RIMBP2: variants seen among roughly 807,000 people sequenced by gnomAD.
RIMBP2 encodes the protein RIMS binding protein 2, also known as RIMS-binding protein 2.
In RIMBP2, 48 loss-of-function variants were observed where a neutral mutation model predicts 118.6. That is an observed-to-expected ratio of 0.40 (90% CI 0.32 to 0.51). The LOEUF is 0.51. RIMBP2 is among the 20% of genes least tolerant of loss of function. The pLI, the probability that RIMBP2 is intolerant of heterozygous loss-of-function variation, is 0.41. For synonymous variants in RIMBP2, 762 were observed against 742.9 expected (o/e 1.03, Z -0.42); for missense variants, 1,551 against 1,768.3 (o/e 0.88, Z 2.20).
At chr12:130,604,582 C>CTGTTT (rs1555305685) in intron 2 of RIMBP2, among the ~76,000 whole-genome samples, 1 of 67,268 alleles carries the variant, frequency 1.5e-5, no homozygotes, top group African/African-American at 6.0e-5. Context: ...TGCCCCTTTT[C>CTGTTT]TTTCTTTTTT....
intron 4 of RIMBP2, among the ~76,000 whole-genome samples, chr12:130,497,413 C>T (rs1278242019): frequency 6.6e-6 from 1 of 152,180 alleles, no homozygotes; most frequent in Non-Finnish European, 1.5e-5. Flanking sequence ...AATCTAGAAA[C>T]CTTGTGAGTG....
At chr12:130,666,522 C>T (rs1400159621) in intron 1 of RIMBP2, among the ~76,000 whole-genome samples, 3 of 152,174 alleles carry the variant, frequency 2.0e-5, no homozygotes, top group East Asian at 1.9e-4. Flanking sequence ...ACTCAATGCA[C>T]CCCAGTTTCA....
intron 11 of RIMBP2, 37 bp from the exon 12 acceptor site, chr12:130,438,553 A>T: frequency 6.6e-7 from 1 of 1,523,582 alleles, no homozygotes; most frequent in South Asian, 1.3e-5. Flanking sequence ...GCGTTCAGGG[A>T]CCAGCCCTGG....
chr12:130,520,822 A>C (rs1286976107), intron 2 of RIMBP2, among the ~76,000 whole-genome samples: 3 of 152,222 alleles, frequency 2.0e-5, no homozygotes, highest in Non-Finnish European at 4.4e-5. Context: ...TCAGTGACAC[A>C]GACAGCCAGG....
chr12:130,500,776 A>G (rs1352595037), intron 4 of RIMBP2, among the ~76,000 whole-genome samples: 2 of 152,138 alleles, frequency 1.3e-5, no homozygotes, highest in Non-Finnish European at 2.9e-5. Flanking sequence ...ACTTTAGGAC[A>G]TGGAAGACAC....
intron 2 of RIMBP2, among the ~76,000 whole-genome samples, chr12:130,550,784 C>T (rs4759491): frequency 0.7 from 105,929 of 152,192 alleles, 37,403 homozygotes; most frequent in Non-Finnish European, 0.77. Flanking sequence ...CTAAAAGACA[C>T]AAAAGGTAAT....
At chr12:130,685,673 G>A (rs2136600174) in intron 1 of RIMBP2, among the ~76,000 whole-genome samples, 1 of 152,214 alleles carries the variant, frequency 6.6e-6, no homozygotes, top group East Asian at 1.9e-4. Context: ...CCCTTGAACG[G>A]CTCAGGTTAA....
chr12:130,459,784 G>A (rs944163275), intron 6 of RIMBP2, among the ~76,000 whole-genome samples: 9 of 152,162 alleles, frequency 5.9e-5, no homozygotes, highest in Admixed American at 1.3e-4. Context: ...ACGGGGGGTG[G>A]GGGGCCAAGG....
At chr12:130,653,652 T>C (rs2398521) in intron 1 of RIMBP2, among the ~76,000 whole-genome samples, 83,629 of 152,098 alleles carry the variant, frequency 0.55, 23,387 homozygotes, top group African/African-American at 0.63. Flanking sequence ...AGCGGAGCTT[T>C]TCTGTGGGGG....
chr12:130,429,165 G>A (rs2076997362), intron 14 of RIMBP2: 1 of 152,332 alleles, frequency 6.6e-6, no homozygotes, highest in African/African-American at 2.4e-5. Context: ...CACACGCGCA[G>A]ACACTGGCAG....
At chr12:130,402,434 C>T (rs1375419548) in intron 21 of RIMBP2, among the ~76,000 whole-genome samples, 1 of 152,124 alleles carries the variant, frequency 6.6e-6, no homozygotes, top group Non-Finnish European at 1.5e-5. Flanking sequence ...CTGGTACTGA[C>T]GTATTTCGGG....
rs912152778 is a variant in RIMBP2, at chr12:130,397,295, A to G, written c.*66T>C. On this transcript the variant is annotated 3_prime_UTR_variant, in exon 23 of 23. Transcript: ENST00000690449. ...GGTTTTTTTAGGAAGTACTTGAGTC[A>G]TGAAAGCCCTAGTTTGGAATTAAAG... The G allele has an allele frequency of 2.5e-6, 1 of 398,184 alleles. No homozygotes were observed. Among genetic ancestry groups the G allele is most frequent in the East Asian group, 3.6e-5 (1 of 28,060 alleles). The allele number at this position is 398,184 out of a possible 1,614,324, so 24.7% of individuals were successfully genotyped here. A position where few individuals can be genotyped will look rare whatever the true frequency, so the allele number is the denominator to read the frequency against.
chr12:130,455,621 C>T (rs866864709), intron 7 of RIMBP2, among the ~76,000 whole-genome samples: 2 of 152,178 alleles, frequency 1.3e-5, no homozygotes, highest in African/African-American at 2.4e-5. Flanking sequence ...TGTTTTTTAG[C>T]AAGACACAAG....
At chr12:130,686,455 C>T (rs2065049190) in intron 1 of RIMBP2, among the ~76,000 whole-genome samples, 1 of 152,238 alleles carries the variant, frequency 6.6e-6, no homozygotes, top group African/African-American at 2.4e-5. Context: ...CTTTGTCCCA[C>T]ACGAGGCATT....
At chr12:130,690,712 G>C (rs903671574) in intron 1 of RIMBP2, among the ~76,000 whole-genome samples, 2 of 152,160 alleles carry the variant, frequency 1.3e-5, no homozygotes, top group African/African-American at 4.8e-5. Flanking sequence ...ACTTCCACTG[G>C]AAGCTCCAAA....
intron 1 of RIMBP2, among the ~76,000 whole-genome samples, chr12:130,650,416 GTTGCTACCACT>G (rs1352087094): frequency 6.6e-6 from 1 of 152,210 alleles, no homozygotes; most frequent in Non-Finnish European, 1.5e-5. Context: ...CCTTCTGCTC[GTTGCTACCACT>G]TTGCTAAATG....
chr12:130,695,967 A>G (rs2065550271), intron 1 of RIMBP2, among the ~76,000 whole-genome samples: 1 of 151,986 alleles, frequency 6.6e-6, no homozygotes, highest in African/African-American at 2.4e-5. Flanking sequence ...CTGGAGGAGG[A>G]GTACATTTAT....
At chr12:130,686,075 A>G (rs989955257) in intron 1 of RIMBP2, among the ~76,000 whole-genome samples, 9 of 151,964 alleles carry the variant, frequency 5.9e-5, no homozygotes, top group Non-Finnish European at 7.4e-5. Flanking sequence ...ACCGCCCGGC[A>G]CCTGCTCTTC....
intron 1 of RIMBP2, among the ~76,000 whole-genome samples, chr12:130,677,583 G>A (rs778376315): frequency 1.1e-4 from 16 of 152,074 alleles, no homozygotes; most frequent in African/African-American, 1.9e-4. Context: ...AGCCAAGATC[G>A]CAACACTGAA....
Sources: allele counts gnomAD v4.1 joint callset (sites outside exome capture counted in the v4.1 genomes callset), GRCh38; gene constraint gnomAD v4.1.1; transcripts MANE v1.5; gene names NCBI Gene and HGNC (gene_info 2026-07-23, HGNC 2026-07-21).